The following ZDHHC14 variants were observed in gnomAD, a reference collection of about 807,000 sequenced individuals.
The protein encoded by ZDHHC14 is palmitoyltransferase ZDHHC14.
A neutral mutation model predicts 47.7 loss-of-function variants in ZDHHC14; 16 were observed. That is an observed-to-expected ratio of 0.34 (90% CI 0.23 to 0.51). ZDHHC14 has a LOEUF of 0.51. Ranked by LOEUF, ZDHHC14 falls within the 20% of genes least tolerant of loss-of-function variation. The pLI, the probability that ZDHHC14 is intolerant of heterozygous loss-of-function variation, is 0.97. For missense variants in ZDHHC14, 515 were observed against 662.5 expected, an observed-to-expected ratio of 0.78 and a Z score of 2.44; for synonymous variants, 293 against 278.9, an observed-to-expected ratio of 1.05 and a Z score of -0.50.
chr6:157,623,221 C>T (rs1330701163), intron 3 of ZDHHC14, among the ~76,000 whole-genome samples: 2 of 152,134 alleles, frequency 1.3e-5, no homozygotes, highest in Non-Finnish European at 2.9e-5. Flanking sequence ...CCCATAATCC[C>T]CATGTGTGGT....
chr6:157,544,065 G>C (rs1562472056), intron 2 of ZDHHC14, among the ~76,000 whole-genome samples: 1 of 152,230 alleles, frequency 6.6e-6, no homozygotes, highest in African/African-American at 2.4e-5. Flanking sequence ...ATGGGTGAAA[G>C]TGGCAGAACT....
At chr6:157,647,495 G>GA (rs1554277912) in intron 7 of ZDHHC14, 127 bp downstream of exon 7, 1 of 604,054 alleles carries the variant, frequency 1.7e-6, no homozygotes, top group Non-Finnish European at 2.9e-6. Flanking sequence ...GTGCCGCGTG[G>GA]ATGTGGCCTT....
chr6:157,402,127 T>C (rs1777653436), intron 1 of ZDHHC14, among the ~76,000 whole-genome samples: 1 of 148,322 alleles, frequency 6.7e-6, no homozygotes, highest in Non-Finnish European at 1.5e-5. Flanking sequence ...CACACTGCAC[T>C]AGTGAGATGT....
At chr6:157,483,143 A>AT (rs1304233428) in intron 1 of ZDHHC14, among the ~76,000 whole-genome samples, 1 of 152,106 alleles carries the variant, frequency 6.6e-6, no homozygotes, top group Non-Finnish European at 1.5e-5. Context: ...TTTTAATCAT[A>AT]TTTTTCTCTC....
intron 1 of ZDHHC14, among the ~76,000 whole-genome samples, chr6:157,445,142 A>T (rs1241121081): frequency 2.7e-5 from 4 of 146,790 alleles, no homozygotes; most frequent in South Asian, 2.1e-4. Context: ...ACACACACAC[A>T]CACTCTTCAT....
At chr6:157,534,165 T>C (rs971428295) in intron 1 of ZDHHC14, among the ~76,000 whole-genome samples, 1 of 152,130 alleles carries the variant, frequency 6.6e-6, no homozygotes, top group Non-Finnish European at 1.5e-5. Flanking sequence ...TGCTGTTTAG[T>C]GCCAGGACAA....
chr6:157,647,118 C>A (rs188441698), intron 6 of ZDHHC14, 141 bp from the exon 7 acceptor site: 2 of 616,608 alleles, frequency 3.2e-6, no homozygotes, highest in Non-Finnish European at 2.8e-6. Flanking sequence ...AGTAAATGCC[C>A]GTTTTCTTTA....
intron 2 of ZDHHC14, among the ~76,000 whole-genome samples, chr6:157,566,253 C>T (rs965905417): frequency 6.6e-6 from 1 of 152,106 alleles, no homozygotes; most frequent in Admixed American, 6.5e-5. Flanking sequence ...TAAAAAAACC[C>T]GAATTCCTGA....
intron 1 of ZDHHC14, among the ~76,000 whole-genome samples, chr6:157,394,981 G>C (rs1218081247): frequency 6.6e-6 from 1 of 150,668 alleles, no homozygotes; most frequent in East Asian, 1.9e-4. Context: ...GGAGAGACAG[G>C]GGTTGCAGCC....
chr6:157,566,949 C>T (rs1030103194), intron 2 of ZDHHC14, among the ~76,000 whole-genome samples: 1 of 150,826 alleles, frequency 6.6e-6, no homozygotes, highest in Non-Finnish European at 1.5e-5. Context: ...CACCCGGGTT[C>T]AAGCCATTCT....
rs1785526183 is a variant in ZDHHC14 at position 157,628,417 on chromosome 6, A to G, written c.634A>G (p.Met212Val). Residue 212 changes from methionine to valine, a missense_variant, in exon 4 of 9, where the codon ATG becomes GTG. This residue lies in a region of ZDHHC14 where 229 missense variants were observed against 351.5 expected (regional missense o/e 0.65). Transcript: ENST00000359775. ...VGKRNYRFFY[M>V]FILSLSFLTV... ...GAAAAGAAACTACAGATTTTTTTAT[A>G]TGTTTATTTTATCTCTGTCTTTTCT... 1.9e-6 allele frequency: 3 copies of G among 1,611,618 alleles called. No homozygotes were observed. The highest frequency in any genetic ancestry group is 1.3e-5 in the African/African-American group (1 of 74,328).
intron 1 of ZDHHC14, among the ~76,000 whole-genome samples, chr6:157,406,091 G>C (rs1777754402): frequency 6.6e-6 from 1 of 152,196 alleles, no homozygotes; most frequent in African/African-American, 2.4e-5. Context: ...TTCCTAGCGG[G>C]AGAGGTAATG....
chr6:157,561,479 C>T (rs1254216458), intron 2 of ZDHHC14, among the ~76,000 whole-genome samples: 1 of 152,152 alleles, frequency 6.6e-6, no homozygotes, highest in African/African-American at 2.4e-5. Context: ...GAAATTCTGA[C>T]TCAGCAGGTA....
At chr6:157,621,171 C>T (rs2114938645) in intron 3 of ZDHHC14, among the ~76,000 whole-genome samples, 1 of 152,260 alleles carries the variant, frequency 6.6e-6, no homozygotes, top group South Asian at 2.1e-4. Context: ...GGGCTTGGTC[C>T]TCTAATCCTT....
intron 3 of ZDHHC14, among the ~76,000 whole-genome samples, chr6:157,594,849 C>G (rs1784058851): frequency 2.0e-5 from 3 of 152,196 alleles, no homozygotes; most frequent in African/African-American, 7.2e-5. Context: ...AGCACAGCAT[C>G]TTAAATATCT....
chr6:157,667,377 G>C (rs929938229), intron 8 of ZDHHC14, among the ~76,000 whole-genome samples: 4 of 152,028 alleles, frequency 2.6e-5, no homozygotes, highest in South Asian at 2.1e-4. Context: ...AAGGTAAAAG[G>C]GTCCTCAAAT....
chr6:157,589,670 G>C (rs556952863), intron 2 of ZDHHC14, among the ~76,000 whole-genome samples: 1 of 152,178 alleles, frequency 6.6e-6, no homozygotes, highest in African/African-American at 2.4e-5. Flanking sequence ...AGAACTGTGA[G>C]TCAATTAAAC....
At chr6:157,648,421 A>G (rs1244597565) in intron 7 of ZDHHC14, among the ~76,000 whole-genome samples, 1 of 151,964 alleles carries the variant, frequency 6.6e-6, no homozygotes. Context: ...TCCTCATTAG[A>G]GAGGTAAAAA....
intron 1 of ZDHHC14, among the ~76,000 whole-genome samples, chr6:157,535,098 G>A (rs17444841): frequency 0.6 from 91,562 of 152,052 alleles, 29,170 homozygotes; most frequent in African/African-American, 0.83. Context: ...TGAGTTAAGA[G>A]TAAGGACACT....
Sources: gnomAD v4.1 joint callset for allele counts (sites outside exome capture counted in the v4.1 genomes callset) on GRCh38, gnomAD v4.1.1 for gene constraint, gnomAD v4.1.1 regional missense constraint, MANE v1.5 for transcripts, NCBI Gene and HGNC (gene_info 2026-07-23, HGNC 2026-07-21) for gene names.